THSD7A: variants seen among roughly 807,000 people sequenced by gnomAD.
THSD7A encodes thrombospondin type-1 domain-containing protein 7A.
A neutral mutation model predicts 231.3 loss-of-function variants in THSD7A; 96 were observed. That is an observed-to-expected ratio of 0.41 (90% CI 0.35 to 0.49). The LOEUF (loss-of-function observed/expected upper bound fraction) is 0.49. Ranked by LOEUF, THSD7A falls within the 20% of genes least tolerant of loss-of-function variation. THSD7A has a pLI of 0.05. For missense variants in THSD7A, 2,290 were observed against 2,070.2 expected, an observed-to-expected ratio of 1.11 and a Z score of -2.06; for synonymous variants, 940 against 743.3, an observed-to-expected ratio of 1.26 and a Z score of -4.30.
At chr7:11,585,178 C>T (rs1260442933) in intron 4 of THSD7A, among the ~76,000 whole-genome samples, 4 of 152,146 alleles carry the variant, frequency 2.6e-5, no homozygotes, top group African/African-American at 4.8e-5. Flanking sequence ...CTTACATTAC[C>T]TCTGGGTAGA....
chr7:11,529,778 G>A (rs539665242), intron 6 of THSD7A, among the ~76,000 whole-genome samples: 2 of 152,192 alleles, frequency 1.3e-5, no homozygotes, highest in South Asian at 4.2e-4. Flanking sequence ...AACAATGTGA[G>A]GATACACTAA....
intron 1 of THSD7A, among the ~76,000 whole-genome samples, chr7:11,673,854 G>A (rs1783518802): frequency 6.6e-6 from 1 of 152,088 alleles, no homozygotes; most frequent in Non-Finnish European, 1.5e-5. Context: ...GTGGATATTG[G>A]AAAGAGATGC....
intron 2 of THSD7A, among the ~76,000 whole-genome samples, chr7:11,600,616 G>T (rs763899125): frequency 6.6e-6 from 1 of 152,040 alleles, no homozygotes; most frequent in Non-Finnish European, 1.5e-5. Context: ...TAACTCTTGC[G>T]CATTCTCAAT....
At chr7:11,394,941 T>A (rs1332328303) in intron 23 of THSD7A, among the ~76,000 whole-genome samples, 2 of 152,174 alleles carry the variant, frequency 1.3e-5, no homozygotes, top group Non-Finnish European at 2.9e-5. Flanking sequence ...AGGATCACAA[T>A]GACAGGATCA....
intron 13 of THSD7A, among the ~76,000 whole-genome samples, chr7:11,437,571 G>A (rs567885858): frequency 6.6e-6 from 1 of 152,142 alleles, no homozygotes; most frequent in African/African-American, 2.4e-5. Context: ...GCTATCAAAT[G>A]AGACACTGAA....
intron 1 of THSD7A, among the ~76,000 whole-genome samples, chr7:11,644,948 C>T (rs1227446465): frequency 2.0e-5 from 3 of 151,846 alleles, no homozygotes; most frequent in African/African-American, 7.2e-5. Context: ...TTAAAGTCTT[C>T]ATGTATCAGT....
chr7:11,767,413 T>C (rs889494659), intron 1 of THSD7A, among the ~76,000 whole-genome samples: 1 of 152,174 alleles, frequency 6.6e-6, no homozygotes, highest in Admixed American at 6.5e-5. Context: ...ATACCAAGCA[T>C]GTGTCTGCAC....
intron 1 of THSD7A, among the ~76,000 whole-genome samples, chr7:11,768,350 T>C (rs1330494748): frequency 1.3e-5 from 2 of 152,152 alleles, no homozygotes; most frequent in Non-Finnish European, 2.9e-5. Flanking sequence ...AGAGCTAACA[T>C]CATAGAGGCA....
chr7:11,390,563 C>G (rs951273689), intron 23 of THSD7A, among the ~76,000 whole-genome samples: 1 of 152,168 alleles, frequency 6.6e-6, no homozygotes. Flanking sequence ...TCTTTTAGCT[C>G]AGAGGAGTTC....
chr7:11,743,896 G>T (rs1782189849), intron 1 of THSD7A, among the ~76,000 whole-genome samples: 1 of 151,904 alleles, frequency 6.6e-6, no homozygotes, highest in Non-Finnish European at 1.5e-5. Context: ...CAATGTACTT[G>T]AACATTAAGT....
intron 1 of THSD7A, among the ~76,000 whole-genome samples, chr7:11,692,581 G>C (rs777534238): frequency 1.2e-4 from 18 of 151,664 alleles, no homozygotes; most frequent in Middle Eastern, 3.4e-3. Flanking sequence ...GTGTGAAGAA[G>C]TTAGGACTCG....
At chr7:11,518,473 G>A (rs1418934487) in intron 6 of THSD7A, among the ~76,000 whole-genome samples, 3 of 152,126 alleles carry the variant, frequency 2.0e-5, no homozygotes, top group African/African-American at 7.2e-5. Context: ...TAAGTGCCAG[G>A]CTTCATTCAT....
At chr7:11,492,836 A>C (rs1786954182) in intron 6 of THSD7A, among the ~76,000 whole-genome samples, 1 of 150,268 alleles carries the variant, frequency 6.7e-6, no homozygotes, top group Non-Finnish European at 1.5e-5. Flanking sequence ...AAACACAAAA[A>C]CTTTGAACCG....
At chr7:11,642,712 C>T (rs981047341) in intron 1 of THSD7A, among the ~76,000 whole-genome samples, 3 of 152,066 alleles carry the variant, frequency 2.0e-5, no homozygotes, top group South Asian at 2.1e-4. Context: ...TAAATGAATG[C>T]TACTTGGCTT....
intron 11 of THSD7A, among the ~76,000 whole-genome samples, 188 bp downstream of exon 11, chr7:11,460,474 G>A (rs1785463965): frequency 6.6e-6 from 1 of 152,168 alleles, no homozygotes; most frequent in African/African-American, 2.4e-5. Context: ...ATGAGCTAAT[G>A]CCAAAGAACA....
At chr7:11,454,939 T>C (rs39182) in intron 11 of THSD7A, among the ~76,000 whole-genome samples, 46,967 of 151,852 alleles carry the variant, frequency 0.31, 7,452 homozygotes, top group South Asian at 0.47. Context: ...GTTCGGATCC[T>C]GCACTATTGC....
At chr7:11,777,686 G>C (rs77634771) in intron 1 of THSD7A, among the ~76,000 whole-genome samples, 1 of 152,262 alleles carries the variant, frequency 6.6e-6, no homozygotes, top group East Asian at 1.9e-4. Flanking sequence ...TATAGCAATG[G>C]ATGAGAGGAA....
intron 6 of THSD7A, among the ~76,000 whole-genome samples, chr7:11,493,808 A>C (rs1306306852): frequency 6.6e-6 from 1 of 152,076 alleles, no homozygotes. Context: ...ATGGTCATCT[A>C]TGAACAGAGA....
intron 9 of THSD7A, among the ~76,000 whole-genome samples, chr7:11,467,489 T>C (rs1562632933): frequency 1.3e-5 from 2 of 148,832 alleles, no homozygotes; most frequent in African/African-American, 5.2e-5. Context: ...AAATAAGTAA[T>C]TAAATAAGTA....
Sources: gnomAD v4.1 joint callset for allele counts (sites outside exome capture counted in the v4.1 genomes callset) on GRCh38, gnomAD v4.1.1 for gene constraint, MANE v1.5 for transcripts, NCBI Gene and HGNC (gene_info 2026-07-23, HGNC 2026-07-21) for gene names.